PAMR1: variants seen among roughly 807,000 people sequenced by gnomAD.
The protein encoded by PAMR1 is peptidase domain containing associated with muscle regeneration 1, also known as inactive serine protease PAMR1.
A neutral mutation model predicts 81.8 loss-of-function variants in PAMR1; 88 were observed. The ratio of observed to expected loss-of-function variants is 1.08; its 90% CI spans 0.91 to 1.28. The LOEUF (loss-of-function observed/expected upper bound fraction) is 1.28, where lower values mean the gene tolerates loss of function less well. Among genes scored for constraint, PAMR1 ranks in the 50% most tolerant of loss-of-function variants. The pLI is 0.00. For missense variants in PAMR1, 935 were observed against 919.7 expected (o/e 1.02, Z -0.21); for synonymous variants, 336 against 345.3 (o/e 0.97, Z 0.30).
At chr11:35,433,937 A>G (rs1422589432) in intron 10 of PAMR1, among the ~76,000 whole-genome samples, 1 of 152,228 alleles carries the variant, frequency 6.6e-6, no homozygotes, top group African/African-American at 2.4e-5. Context: ...TCAGGGAAAG[A>G]CAGACATATA....
chr11:35,460,411 G>C (rs552018124), intron 6 of PAMR1, among the ~76,000 whole-genome samples: 12 of 151,084 alleles, frequency 7.9e-5, no homozygotes, highest in African/African-American at 2.7e-4. Context: ...GTGCCATGTT[G>C]GTGTGCTGCA....
At chr11:35,459,568 T>C (rs373079830) in intron 6 of PAMR1, among the ~76,000 whole-genome samples, 51 of 152,324 alleles carry the variant, frequency 3.3e-4, no homozygotes, top group Non-Finnish European at 5.9e-4. Context: ...TGGCCTGAGC[T>C]GGGCATTTCT....
intron 3 of PAMR1, among the ~76,000 whole-genome samples, chr11:35,487,680 T>C (rs953037239): frequency 1.3e-5 from 2 of 152,124 alleles, no homozygotes; most frequent in Non-Finnish European, 2.9e-5. Context: ...TTCTACTCAT[T>C]CTCAGCAGAT....
At chr11:35,442,786 A>G (rs1856202905) in intron 6 of PAMR1, among the ~76,000 whole-genome samples, 1 of 151,972 alleles carries the variant, frequency 6.6e-6, no homozygotes, top group Admixed American at 6.6e-5. Context: ...TATTTTTAGT[A>G]GAGATGGGGT....
At position 35,495,218 on chromosome 11, in the gene PAMR1, T is replaced by C. The variant is rs144711962; in HGVS notation, c.74-946A>G. ...ATAGTACCTTCAAAGCGAAAACCAATAGAAAAGACAAAAAATACCTTAATT... is the reference window on the plus strand; with the variant it reads ...ATAGTACCTTCAAAGCGAAAACCAACAGAAAAGACAAAAAATACCTTAATT... On this transcript the variant is annotated intron_variant, in intron 1 of 10. Coordinates refer to ENST00000619888, the MANE Select transcript of PAMR1 (RefSeq NM_001001991.3). Among the ~76,000 whole-genome samples the C allele has an allele frequency of 7.0e-4, 107 of 152,074 alleles. 1 individual carries two copies. Among genetic ancestry groups the C allele is most frequent in the South Asian group, 1.2e-3 (6 of 4,820 alleles).
intron 3 of PAMR1, among the ~76,000 whole-genome samples, chr11:35,485,917 C>T (rs1406776264): frequency 6.6e-6 from 1 of 152,210 alleles, no homozygotes; most frequent in Non-Finnish European, 1.5e-5. Flanking sequence ...TGCCATGGGG[C>T]TCCGGCGCTG....
At chr11:35,472,556 A>G (rs1329562397) in intron 4 of PAMR1, among the ~76,000 whole-genome samples, 1 of 152,218 alleles carries the variant, frequency 6.6e-6, no homozygotes, top group South Asian at 2.1e-4. Context: ...CAAATTAACC[A>G]GGTAAGAGCA....
intron 6 of PAMR1, chr11:35,451,898 A>G (rs1344392654): frequency 1.4e-6 from 1 of 705,440 alleles, no homozygotes; most frequent in Non-Finnish European, 2.6e-6. Context: ...CAGACAATGA[A>G]TCTTCTGACG....
chr11:35,468,661 T>C (rs111776637), intron 5 of PAMR1, among the ~76,000 whole-genome samples: 7,139 of 152,346 alleles, frequency 0.047, 560 homozygotes, highest in African/African-American at 0.16. Context: ...GTTGCTGACA[T>C]TCAATGCTAA....
intron 1 of PAMR1, among the ~76,000 whole-genome samples, chr11:35,504,209 T>C (rs891592521): frequency 6.6e-6 from 1 of 152,180 alleles, no homozygotes; most frequent in African/African-American, 2.4e-5. Flanking sequence ...CAACCTTGCA[T>C]CCTTGGGATG....
At chr11:35,512,873 C>T (rs553159446) in intron 1 of PAMR1, among the ~76,000 whole-genome samples, 53 of 152,204 alleles carry the variant, frequency 3.5e-4, no homozygotes, top group South Asian at 1.5e-3. Flanking sequence ...TGCCTGTAGT[C>T]CCAACTACTC....
intron 1 of PAMR1, among the ~76,000 whole-genome samples, chr11:35,511,976 G>A (rs1851081454): frequency 6.6e-6 from 1 of 152,182 alleles, no homozygotes; most frequent in Admixed American, 6.5e-5. Flanking sequence ...GTGACCCTCA[G>A]TCTAGCCTGG....
In PAMR1 at chr11:35,470,749, G is replaced by C. The variant is rs1365701806; in HGVS notation, c.564C>G (p.Asp188Glu). The C allele has an allele frequency of 6.2e-7, 1 of 1,614,150 alleles. No individual in the cohort carries two copies. ...GCTTGATGATCTGGCCATCGCGGTT[G>C]TCTCCATCACGAACCTCAACATAGT... Reference protein sequence around the residue: ...QYDYVEVRDGDNRDGQIIKRV... With the variant: ...QYDYVEVRDGENRDGQIIKRV... The change falls in exon 5 of 11, where the codon GAC becomes GAG. Residue 188 changes from aspartate to glutamate, a missense_variant. Coordinates refer to ENST00000619888, the MANE Select transcript of PAMR1 (RefSeq NM_001001991.3).
chr11:35,488,818 T>C (rs1025530571), intron 3 of PAMR1, among the ~76,000 whole-genome samples: 1 of 151,904 alleles, frequency 6.6e-6, no homozygotes, highest in African/African-American at 2.4e-5. Context: ...AGTAATCCAC[T>C]GCCTTGGCCT....
In PAMR1 at chr11:35,432,282, C is replaced by G; in HGVS notation, c.*74G>C. Reference sequence around the variant, plus strand: ...CACAGGCCAAATCACACTTCAGGCCCACACTGCTTCACGCAATGACACACG... The same window carrying G: ...CACAGGCCAAATCACACTTCAGGCCGACACTGCTTCACGCAATGACACACG... On this transcript the variant is annotated 3_prime_UTR_variant, in exon 11 of 11. Coordinates refer to ENST00000619888, the MANE Select transcript of PAMR1 (RefSeq NM_001001991.3). 7.1e-7 allele frequency: 1 copy of G among 1,402,078 alleles called. No individual in the cohort carries two copies. The highest frequency in any genetic ancestry group is 9.8e-7 in the Non-Finnish European group (1 of 1,019,736). The allele number at this position is 1,402,078 out of a possible 1,614,324, so 86.9% of individuals were successfully genotyped here.
intron 1 of PAMR1, among the ~76,000 whole-genome samples, chr11:35,497,900 A>G (rs928301646): frequency 2.6e-5 from 4 of 152,226 alleles, no homozygotes; most frequent in East Asian, 1.9e-4. Flanking sequence ...GAAAAAAATC[A>G]TATTTTCAAA....
At chr11:35,484,359 C>T (rs1303341590) in intron 3 of PAMR1, among the ~76,000 whole-genome samples, 2 of 152,224 alleles carry the variant, frequency 1.3e-5, no homozygotes, top group South Asian at 2.1e-4. Context: ...TTGAATCGAC[C>T]TGAGCATTGT....
chr11:35,510,376 T>C (rs921685634), intron 1 of PAMR1, among the ~76,000 whole-genome samples: 1 of 152,202 alleles, frequency 6.6e-6, no homozygotes, highest in Non-Finnish European at 1.5e-5. Flanking sequence ...TCTAATGACA[T>C]GTACCCACCA....
At chr11:35,505,896 C>T (rs1434545252) in intron 1 of PAMR1, among the ~76,000 whole-genome samples, 1 of 134,912 alleles carries the variant, frequency 7.4e-6, no homozygotes, top group Non-Finnish European at 1.6e-5. Flanking sequence ...CATTTTGTGG[C>T]TTGTTCTCTG....
Sources: gnomAD v4.1 joint callset for allele counts (sites outside exome capture counted in the v4.1 genomes callset) on GRCh38, gnomAD v4.1.1 for gene constraint, MANE v1.5 for transcripts, NCBI Gene and HGNC (gene_info 2026-07-23, HGNC 2026-07-21) for gene names.